Variants in SAXO1 observed in about 807,000 individuals in gnomAD.
The protein encoded by SAXO1 is stabilizer of axonemal microtubules 1, also known as 4930500O09Rik.
In SAXO1, 21 loss-of-function variants were observed where a neutral mutation model predicts 17.5. The observed-to-expected ratio is 1.20, with a 90% CI of 0.85 to 1.72. The LOEUF is 1.72. Ranked by LOEUF, SAXO1 falls within the 40% of genes most tolerant of loss-of-function variation. The pLI is 0.00. For missense variants in SAXO1, 843 were observed against 596.0 expected, an observed-to-expected ratio of 1.41 and a Z score of -4.32; for synonymous variants, 274 against 216.5, an observed-to-expected ratio of 1.27 and a Z score of -2.33.
intron 1 of SAXO1, among the ~76,000 whole-genome samples, chr9:19,004,292 T>A (rs1056495190): frequency 2.6e-5 from 4 of 152,342 alleles, no homozygotes; most frequent in Admixed American, 1.3e-4. Context: ...GGTGGGAATG[T>A]AAATTAGTTC....
At position 19,032,605 on chromosome 9, in the gene SAXO1, G is replaced by A. The variant is rs115198606; in HGVS notation, c.38+266C>T. 4.3e-3 allele frequency among the ~76,000 whole-genome samples: 659 copies of A among 152,320 alleles called. 5 individuals are homozygous for A. Among genetic ancestry groups the A allele is most frequent in the African/African-American group, 0.015 (616 of 41,578 alleles). On this transcript the variant is annotated intron_variant, in intron 1 of 3. Transcript: ENST00000380534. ...CTTTCTGGGCTTCAGGGAAGGGAGTGCAGACTGCGCGGTCACGCCCATTTT... is the reference window on the plus strand; with the variant it reads ...CTTTCTGGGCTTCAGGGAAGGGAGTACAGACTGCGCGGTCACGCCCATTTT...
Position 19,033,016 on chromosome 9 carries a change from C to T in SAXO1, c.-108G>A. ...GCACGCCCAGGCTCGAGGGTCTTGG[C>T]AGGTGTTCTGTTTACTCGAAGGAAA... On this transcript the variant is annotated 5_prime_UTR_variant, in exon 1 of 4. Transcript: ENST00000380534. 1.1e-5 allele frequency: 13 copies of T among 1,174,856 alleles called. No homozygotes were observed. Among genetic ancestry groups the T allele is most frequent in the Non-Finnish European group, 3.5e-6 (3 of 864,620 alleles). 72.8% of individuals were successfully genotyped at this position (1,174,856 alleles called of 1,614,324 possible).
chr9:18,968,035 C>T lies in SAXO1; in HGVS notation c.39-17098G>A, dbSNP rs1041161688. Reference sequence around the variant, plus strand: ...AACCCCTTACGCTTCCTGGGTGAGGCGACGCCCCACCCTGCTTCTGCTCAC... The same window carrying T: ...AACCCCTTACGCTTCCTGGGTGAGGTGACGCCCCACCCTGCTTCTGCTCAC... On this transcript the variant is annotated intron_variant, in intron 1 of 3. Transcript: ENST00000380534. Among the ~76,000 whole-genome samples, 11 of 152,144 alleles carry T rather than the reference C, an allele frequency of 7.2e-5. 1 individual carries two copies. Among genetic ancestry groups the T allele is most frequent in the East Asian group, 5.8e-4 (3 of 5,188 alleles).
intron 1 of SAXO1, among the ~76,000 whole-genome samples, chr9:18,988,134 A>C (rs1833669187): frequency 6.6e-6 from 1 of 152,222 alleles, no homozygotes; most frequent in South Asian, 2.1e-4. Context: ...AAAAGCACAG[A>C]ATGAGCAGTC....
chr9:18,985,175 C>G (rs1041726213), intron 1 of SAXO1, among the ~76,000 whole-genome samples: 2 of 152,026 alleles, frequency 1.3e-5, no homozygotes, highest in African/African-American at 2.4e-5. Flanking sequence ...AGAACACACA[C>G]ATATTTATCA....
intron 1 of SAXO1, among the ~76,000 whole-genome samples, chr9:19,040,812 A>C (rs1836061761): frequency 6.6e-6 from 1 of 152,210 alleles, no homozygotes; most frequent in Non-Finnish European, 1.5e-5. Flanking sequence ...AAATACAAAC[A>C]GGGAGAAGGG....
chr9:19,000,720 A>T (rs898977724), intron 1 of SAXO1, among the ~76,000 whole-genome samples: 1 of 152,164 alleles, frequency 6.6e-6, no homozygotes, highest in Non-Finnish European at 1.5e-5. Flanking sequence ...ATAAAAATAA[A>T]AAAATTAAAG....
At chr9:18,992,896 G>A (rs1216791034) in intron 1 of SAXO1, among the ~76,000 whole-genome samples, 1 of 151,966 alleles carries the variant, frequency 6.6e-6, no homozygotes, top group Non-Finnish European at 1.5e-5. Flanking sequence ...TACCTCCTGG[G>A]TTCAAGTGAT....
intron 1 of SAXO1, among the ~76,000 whole-genome samples, chr9:19,014,208 C>T (rs1397187226): frequency 1.3e-5 from 2 of 151,920 alleles, no homozygotes; most frequent in South Asian, 2.1e-4. Flanking sequence ...CACCTGTAAT[C>T]GCAGCACTTT....
At chr9:18,935,013 G>A (rs113786690) in intron 3 of SAXO1, among the ~76,000 whole-genome samples, 9 of 152,020 alleles carry the variant, frequency 5.9e-5, no homozygotes, top group Non-Finnish European at 1.2e-4. Context: ...TGCAACCTCC[G>A]CCTTCCCGGG....
chr9:19,038,472 T>C (rs62563563), intron 1 of SAXO1, among the ~76,000 whole-genome samples: 5,974 of 151,324 alleles, frequency 0.039, 140 homozygotes, highest in Non-Finnish European at 0.056. Context: ...ATGGATGAAA[T>C]TGGAAATCAT....
rs564764921 is a variant in SAXO1, at chr9:19,049,130, C to G, written c.-158+79G>C. 4 of 153,024 alleles carry G rather than the reference C, an allele frequency of 2.6e-5. No homozygotes were observed. Among genetic ancestry groups the G allele is most frequent in the African/African-American group, 9.6e-5 (4 of 41,594 alleles). The allele number at this position is 153,024 out of a possible 1,614,324, so 9.5% of individuals were successfully genotyped here. ...GCCCGACACACCTCGCTCCTAAAGC[C>G]AGTTGCGGTGGTGGTGGCGGTTGGG... On this transcript the variant is annotated intron_variant, in intron 1 of 3. Coordinates refer to the SAXO1 transcript ENST00000542071. The surrounding 1 kb of genome is among the most constrained non-coding windows in gnomAD (Gnocchi z 5.4).
At chr9:18,963,233 G>T (rs1424071814) in intron 1 of SAXO1, among the ~76,000 whole-genome samples, 2 of 152,216 alleles carry the variant, frequency 1.3e-5, no homozygotes, top group Non-Finnish European at 2.9e-5. Context: ...CAGGCAGCAT[G>T]ATGCCTCCAG....
chr9:19,001,632 C>G (rs1336097536), intron 1 of SAXO1, among the ~76,000 whole-genome samples: 2 of 149,858 alleles, frequency 1.3e-5, no homozygotes, highest in African/African-American at 4.9e-5. Flanking sequence ...GCGCATTGCA[C>G]TCTAGCCTGG....
At chr9:19,032,448 T>C (rs1835809023) in intron 1 of SAXO1, among the ~76,000 whole-genome samples, 1 of 152,248 alleles carries the variant, frequency 6.6e-6, no homozygotes, top group South Asian at 2.1e-4. Flanking sequence ...CTTATACTTC[T>C]CTGACAAAGT....
intron 1 of SAXO1, among the ~76,000 whole-genome samples, chr9:19,021,164 C>G (rs1335809330): frequency 6.6e-6 from 1 of 152,212 alleles, no homozygotes; most frequent in Non-Finnish European, 1.5e-5. Context: ...CCACCTGTCA[C>G]AGGCTGGACC....
chr9:19,009,303 TA>T (rs1439469551), intron 1 of SAXO1, among the ~76,000 whole-genome samples: 1 of 152,088 alleles, frequency 6.6e-6, no homozygotes. Context: ...GTTTCAAAAC[TA>T]AGTCACCCCA....
At chr9:18,989,783 T>C (rs1462193380) in intron 1 of SAXO1, among the ~76,000 whole-genome samples, 2 of 152,202 alleles carry the variant, frequency 1.3e-5, no homozygotes, top group Non-Finnish European at 2.9e-5. Context: ...AGGCAGCTTT[T>C]CATGGTGTAC....
At chr9:18,965,080 T>G (rs941584783) in intron 1 of SAXO1, among the ~76,000 whole-genome samples, 1 of 152,238 alleles carries the variant, frequency 6.6e-6, no homozygotes, top group African/African-American at 2.4e-5. Context: ...GTGAGTTTCT[T>G]AATCCCGAGT....
Sources: allele counts gnomAD v4.1 joint callset (sites outside exome capture counted in the v4.1 genomes callset), GRCh38; gene constraint gnomAD v4.1.1; non-coding constraint Gnocchi (gnomAD v3.1); transcripts MANE v1.5; gene names NCBI Gene and HGNC (gene_info 2026-07-23, HGNC 2026-07-21).